The following MID1 variants were observed in gnomAD, a reference collection of about 807,000 sequenced individuals.
MID1 encodes the protein E3 ubiquitin-protein ligase Midline-1.
Under a neutral mutation model 40.4 loss-of-function variants are expected in MID1, and 7 were observed. The observed-to-expected ratio is 0.17, with a 90% CI of 0.10 to 0.33. The LOEUF (loss-of-function observed/expected upper bound fraction) is 0.33. MID1 is among the 10% of genes least tolerant of loss of function. The pLI, the probability that MID1 is intolerant of heterozygous loss-of-function variation, is 1.00. For synonymous variants in MID1, 229 were observed against 221.2 expected, an observed-to-expected ratio of 1.04 and a Z score of -0.31; for missense variants, 367 against 558.5, an observed-to-expected ratio of 0.66 and a Z score of 3.46.
At chrX:10,569,638 C>T (rs1030276282) in intron 1 of MID1, among the ~76,000 whole-genome samples, 5 of 112,087 alleles carry the variant, frequency 4.5e-5, no homozygotes, top group African/African-American at 1.3e-4. Context: ...AGAATGCCTA[C>T]CAATGAATCT....
intron 1 of MID1, among the ~76,000 whole-genome samples, chrX:10,772,538 C>T (rs1171700906): frequency 1.8e-5 from 2 of 108,285 alleles, no homozygotes; most frequent in African/African-American, 3.4e-5. Flanking sequence ...CTAAATACCA[C>T]CTGTTCCCTG....
chrX:10,596,178 C>T (rs1340327209), intron 1 of MID1, among the ~76,000 whole-genome samples: 1 of 112,009 alleles, frequency 8.9e-6, no homozygotes, highest in Non-Finnish European at 1.9e-5. Flanking sequence ...AGAAATTTCA[C>T]AGGCTAAACC....
intron 1 of MID1, among the ~76,000 whole-genome samples, chrX:10,634,880 G>C (rs2147558731): frequency 9.0e-6 from 1 of 111,128 alleles, no homozygotes; most frequent in African/African-American, 3.3e-5. Flanking sequence ...AGGGCCTGGG[G>C]CCACGTTATG....
rs980409201 is a variant in MID1 at position 10,448,073 on chromosome X, A to T, written c.*1295T>A. ...TGGCATGCAAAGAATCCCAGCTGAC[A>T]TTTTATAAGCAGGTTCCTGAATAAC... On this transcript the variant is annotated 3_prime_UTR_variant, in exon 10 of 10. Coordinates refer to ENST00000317552, the MANE Select transcript of MID1 (RefSeq NM_000381.4). 2.2e-4 allele frequency: 24 copies of T among 110,027 alleles called. No homozygotes were observed. Among genetic ancestry groups the T allele is most frequent in the African/African-American group, 8.0e-4 (24 of 30,127 alleles). 9.1% of individuals were successfully genotyped at this position (110,027 alleles called of 1,213,427 possible).
chrX:10,706,932 A>C (rs773931509), intron 1 of MID1, among the ~76,000 whole-genome samples: 1 of 112,064 alleles, frequency 8.9e-6, no homozygotes, highest in African/African-American at 3.2e-5. Context: ...AAGAAAATCA[A>C]GGATTATAAA....
chrX:10,740,475 A>G (rs2043515890), intron 1 of MID1, among the ~76,000 whole-genome samples: 1 of 112,432 alleles, frequency 8.9e-6, no homozygotes. Context: ...ACTGAACTTT[A>G]CAACCTTAAT....
At chrX:10,738,996 C>G (rs918909609) in intron 1 of MID1, among the ~76,000 whole-genome samples, 10 of 109,802 alleles carry the variant, frequency 9.1e-5, no homozygotes, top group Non-Finnish European at 5.7e-5. Flanking sequence ...ACCCTAAACT[C>G]TCATCCTGTG....
intron 1 of MID1, among the ~76,000 whole-genome samples, chrX:10,797,967 G>A (rs1016687973): frequency 1.8e-5 from 2 of 111,956 alleles, no homozygotes; most frequent in Admixed American, 9.5e-5. Flanking sequence ...TAGGGGGCTG[G>A]CTTTGAAAGT....
At chrX:10,820,032 T>C (rs1032132902) in intron 1 of MID1, among the ~76,000 whole-genome samples, 2 of 112,123 alleles carry the variant, frequency 1.8e-5, no homozygotes, top group African/African-American at 6.5e-5. Flanking sequence ...ATGGCTCTCA[T>C]GTTCTTGAGC....
chrX:10,819,260 GA>G (rs1354689821), intron 1 of MID1, among the ~76,000 whole-genome samples: 7 of 110,927 alleles, frequency 6.3e-5, no homozygotes, highest in Non-Finnish European at 7.6e-5. Context: ...ATAATACTTA[GA>G]AGTATTGAAA....
At chrX:10,501,608 C>T (rs755355966) in intron 3 of MID1, 1 of 1,038,738 alleles carries the variant, frequency 9.6e-7, no homozygotes. Flanking sequence ...AATGTAGAAG[C>T]ACAACAATCA....
chrX:10,631,900 G>A lies in MID1; in HGVS notation c.-186-11481C>T, dbSNP rs747440014. On this transcript the variant is annotated intron_variant, in intron 1 of 10. Transcript: ENST00000380785. ...CATATTTACCTATGTCCCAGATACC[G>A]AACAGGAAGCAATTGTTCAGACACA... Among the ~76,000 whole-genome samples the A allele has an allele frequency of 1.8e-5, 2 of 111,562 alleles. 1 individual carries two copies. Among genetic ancestry groups the A allele is most frequent in the South Asian group, 7.5e-4 (2 of 2,661 alleles).
chrX:10,575,687 T>C (rs1255753158), intron 1 of MID1, among the ~76,000 whole-genome samples: 1 of 111,000 alleles, frequency 9.0e-6, no homozygotes, highest in Non-Finnish European at 1.9e-5. Flanking sequence ...AACAGGGCCA[T>C]GAACTGATGG....
At chrX:10,530,311 C>T (rs966282904) in intron 2 of MID1, among the ~76,000 whole-genome samples, 6 of 111,550 alleles carry the variant, frequency 5.4e-5, no homozygotes, top group South Asian at 7.6e-4. Context: ...GTGAGGTTTA[C>T]GACTTGGTGG....
chrX:10,509,034 C>A (rs1412747877), intron 3 of MID1, among the ~76,000 whole-genome samples: 1 of 111,616 alleles, frequency 9.0e-6, no homozygotes, highest in African/African-American at 3.3e-5. Flanking sequence ...TGCTTACTTG[C>A]TTTCCTGGAG....
chrX:10,483,620 G>A lies in MID1; in HGVS notation c.865-992C>T, dbSNP rs188721180. Among the ~76,000 whole-genome samples the A allele has an allele frequency of 8.1e-3, 912 of 111,983 alleles. 5 individuals carry two copies. The highest frequency in any genetic ancestry group is 0.014 in the Middle Eastern group (3 of 218). On this transcript the variant is annotated intron_variant, in intron 4 of 9. Coordinates refer to ENST00000317552, the MANE Select transcript of MID1 (RefSeq NM_000381.4). ...TTTCAACCGGCTTTATGATAATTCT[G>A]GAATGGAAAATAGCCCTGGGTGAAA...
Position 10,564,828 on chromosome X carries a change from T to G in MID1, c.660+2060A>C, listed in dbSNP as rs190768917. 1.7e-4 allele frequency among the ~76,000 whole-genome samples: 19 copies of G among 111,110 alleles called. No homozygotes were observed. In the East Asian group the frequency reaches 5.0e-3, roughly 29 times the overall value. On this transcript the variant is annotated intron_variant, in intron 2 of 9. Coordinates refer to ENST00000317552, the MANE Select transcript of MID1 (RefSeq NM_000381.4). ...GTTAAATATTGAACATCATTATGAT[T>G]GTGGTGTTTTAACAAACAATCATTA... is the stretch of plus-strand genomic sequence containing the variant.
intron 1 of MID1, among the ~76,000 whole-genome samples, chrX:10,636,815 T>TATATATATATAC (rs1447125628): frequency 9.4e-5 from 8 of 84,811 alleles, no homozygotes; most frequent in Non-Finnish European, 1.8e-4. Flanking sequence ...TATATATATA[T>TATATATATATAC]ATACACCACT....
intron 8 of MID1, among the ~76,000 whole-genome samples, chrX:10,456,204 G>C (rs986348924): frequency 8.9e-6 from 1 of 112,286 alleles, no homozygotes; most frequent in Non-Finnish European, 1.9e-5. Context: ...GTCACATGTG[G>C]GTAGGCCAAA....
Sources: allele counts gnomAD v4.1 joint callset (sites outside exome capture counted in the v4.1 genomes callset), GRCh38; gene constraint gnomAD v4.1.1; transcripts MANE v1.5; gene names NCBI Gene and HGNC (gene_info 2026-07-23, HGNC 2026-07-21).